Variants in RGS7 observed in about 807,000 individuals in gnomAD.
The protein encoded by RGS7 is regulator of G protein signaling 7, also known as regulator of G-protein signaling 7.
Under a neutral mutation model 81.1 loss-of-function variants are expected in RGS7, and 27 were observed. The ratio of observed to expected loss-of-function variants is 0.33; its 90% CI spans 0.25 to 0.46. The LOEUF (loss-of-function observed/expected upper bound fraction) is 0.46. Among genes scored for constraint, RGS7 ranks in the 20% least tolerant of loss-of-function variants. RGS7 has a pLI of 1.00. For synonymous variants in RGS7, 208 were observed against 207.7 expected, an observed-to-expected ratio of 1.00 and a Z score of -0.01; for missense variants, 396 against 607.4, an observed-to-expected ratio of 0.65 and a Z score of 3.66.
intron 2 of RGS7, among the ~76,000 whole-genome samples, chr1:241,264,838 G>C (rs1016426139): frequency 6.6e-6 from 1 of 152,214 alleles, no homozygotes; most frequent in Admixed American, 6.5e-5. Context: ...GGGAGGACCT[G>C]TGGTATGAAG....
At chr1:241,189,890 C>T (rs533808728) in intron 2 of RGS7, among the ~76,000 whole-genome samples, 29 of 151,900 alleles carry the variant, frequency 1.9e-4, no homozygotes, top group Admixed American at 9.2e-4. Flanking sequence ...CCAAGGCGGG[C>T]GGATCACAAG....
At chr1:240,802,487 A>G (rs980995837) in intron 16 of RGS7, among the ~76,000 whole-genome samples, 3 of 152,162 alleles carry the variant, frequency 2.0e-5, no homozygotes, top group Non-Finnish European at 4.4e-5. Context: ...GAAAAAGGTG[A>G]GTCTACTTTC....
chr1:240,976,796 CTAT>C, intron 4 of RGS7, among the ~76,000 whole-genome samples: 1 of 54,108 alleles, frequency 1.8e-5, no homozygotes, highest in Non-Finnish European at 5.7e-5. Context: ...TATTATCCAT[CTAT>C]CTATCATCTA....
At chr1:241,068,238 G>GTGTGTGTGTATATATATATATA in intron 3 of RGS7, among the ~76,000 whole-genome samples, 1 of 35,660 alleles carries the variant, frequency 2.8e-5, no homozygotes, top group Admixed American at 4.1e-4. Flanking sequence ...GTGTGTGTGT[G>GTGTGTGTGTATATATATATATA]TATATATATA....
At chr1:241,301,323 C>A (rs2079741924) in intron 2 of RGS7, among the ~76,000 whole-genome samples, 1 of 152,234 alleles carries the variant, frequency 6.6e-6, no homozygotes, top group Non-Finnish European at 1.5e-5. Flanking sequence ...ACCTTAACTA[C>A]ATATATGTAA....
rs558645794 is a variant in RGS7 at position 241,156,079 on chromosome 1, C to T, written c.79-57317G>A. Among the ~76,000 whole-genome samples, 222 of 138,724 alleles carry T rather than the reference C, an allele frequency of 1.6e-3. 1 individual carries two copies. Among genetic ancestry groups the T allele is most frequent in the South Asian group, 3.6e-3 (16 of 4,448 alleles). 91.0% of individuals were successfully genotyped at this position (138,724 alleles called of 152,430 possible). A position where few individuals can be genotyped will look rare whatever the true frequency, so the allele number is the denominator to read the frequency against. On this transcript the variant is annotated intron_variant, in intron 2 of 18. Coordinates refer to ENST00000440928, the MANE Select transcript of RGS7 (RefSeq NM_001364886.1). ...TAGAGTTCCTAAATTTACACACGCA[C>T]GCACACACACACACACACACACACC...
intron 3 of RGS7, among the ~76,000 whole-genome samples, chr1:241,030,013 C>T (rs938920456): frequency 2.6e-5 from 4 of 152,124 alleles, no homozygotes; most frequent in African/African-American, 7.2e-5. Context: ...TCTAGAATGA[C>T]GCACAACACA....
At chr1:241,148,693 C>CTGGGTCA (rs1201840217) in intron 2 of RGS7, among the ~76,000 whole-genome samples, 1 of 152,196 alleles carries the variant, frequency 6.6e-6, no homozygotes, top group Non-Finnish European at 1.5e-5. Flanking sequence ...TGCTAACCAG[C>CTGGGTCA]TGGGTCAAGA....
intron 10 of RGS7, among the ~76,000 whole-genome samples, chr1:240,820,248 C>G (rs1691527584): frequency 6.6e-6 from 1 of 152,094 alleles, no homozygotes; most frequent in African/African-American, 2.4e-5. Flanking sequence ...AATTGAGATC[C>G]ATTTTTAGTT....
chr1:240,994,540 C>T (rs1024539651), intron 3 of RGS7, among the ~76,000 whole-genome samples: 1 of 152,002 alleles, frequency 6.6e-6, no homozygotes, highest in Non-Finnish European at 1.5e-5. Context: ...TTTCTGGACT[C>T]GATTCTTAGT....
intron 6 of RGS7, among the ~76,000 whole-genome samples, chr1:240,913,407 G>A (rs2148262569): frequency 6.6e-6 from 1 of 152,268 alleles, no homozygotes; most frequent in East Asian, 1.9e-4. Context: ...ATTTGATCAG[G>A]AAGTTTTGTG....
At chr1:241,137,240 A>AAATTTAT (rs2067588950) in intron 2 of RGS7, among the ~76,000 whole-genome samples, 4 of 151,350 alleles carry the variant, frequency 2.6e-5, no homozygotes, top group Non-Finnish European at 4.4e-5. Context: ...TCCTGCTGTG[A>AAATTTAT]GCTCCTTGAG....
chr1:241,026,392 A>G (rs1299664044), intron 3 of RGS7, among the ~76,000 whole-genome samples: 1 of 152,192 alleles, frequency 6.6e-6, no homozygotes, highest in Non-Finnish European at 1.5e-5. Flanking sequence ...GTTAGAGACC[A>G]GCCTGGTCCA....
rs1426974663 is a variant in RGS7, at chr1:240,838,020, C to T, written c.610-10848G>A. ...CAAAGGATATGGGGGGCTCCTAAATCATAAGTTCCCAAATAGAAAAGGGGT... is the reference window on the plus strand; with the variant it reads ...CAAAGGATATGGGGGGCTCCTAAATTATAAGTTCCCAAATAGAAAAGGGGT... On this transcript the variant is annotated intron_variant, in intron 9 of 18. Transcript: ENST00000440928. Among the ~76,000 whole-genome samples the T allele has an allele frequency of 2.0e-5, 3 of 152,284 alleles. No individual in the cohort carries two copies. The East Asian group carries it at 5.8e-4, about 29-fold the overall frequency.
rs1269688306 is a variant in RGS7, at chr1:240,960,639, A to G, written c.226+22440T>C. On this transcript the variant is annotated intron_variant, in intron 4 of 18. Transcript: ENST00000440928. ...GAAAACAAATGAAGCCTGAGATGAG[A>G]CTCATGGAACTTGATTCCTTACCCG... 6.7e-5 allele frequency among the ~76,000 whole-genome samples: 10 copies of G among 149,496 alleles called. No individual in the cohort carries two copies. In the Admixed American group the frequency reaches 6.7e-4, roughly 10 times the overall value.
intron 2 of RGS7, among the ~76,000 whole-genome samples, chr1:241,223,748 A>C (rs959756756): frequency 3.9e-5 from 6 of 152,096 alleles, no homozygotes; most frequent in African/African-American, 1.2e-4. Context: ...TTTGGTATAA[A>C]GAAGACCTTC....
intron 2 of RGS7, among the ~76,000 whole-genome samples, chr1:241,183,102 T>C (rs1435761483): frequency 6.6e-6 from 1 of 152,178 alleles, no homozygotes; most frequent in African/African-American, 2.4e-5. Flanking sequence ...CACAGTCTGC[T>C]GGCTGGGTTC....
At chr1:241,111,128 T>G (rs1385718237) in intron 2 of RGS7, among the ~76,000 whole-genome samples, 2 of 152,234 alleles carry the variant, frequency 1.3e-5, no homozygotes, top group Non-Finnish European at 2.9e-5. Flanking sequence ...CTTCTCTTTG[T>G]AGCCATTTAT....
chr1:240,976,614 C>T (rs371218636), intron 4 of RGS7, among the ~76,000 whole-genome samples: 1 of 152,130 alleles, frequency 6.6e-6, no homozygotes, highest in African/African-American at 2.4e-5. Flanking sequence ...GGAATTCTGC[C>T]ACCAGACCTC....
Sources: allele counts gnomAD v4.1 joint callset (sites outside exome capture counted in the v4.1 genomes callset), GRCh38; gene constraint gnomAD v4.1.1; transcripts MANE v1.5; gene names NCBI Gene and HGNC (gene_info 2026-07-23, HGNC 2026-07-21).